GBE1: variants seen among roughly 807,000 people sequenced by gnomAD.
GBE1 encodes the protein 1,4-alpha-glucan branching enzyme 1.
GBE1 carries 70 observed loss-of-function variants against 88.8 expected under a neutral mutation model. The observed-to-expected ratio is 0.79, with a 90% CI of 0.65 to 0.96. The LOEUF is 0.96. Ranked by LOEUF, GBE1 falls within the 40% of genes least tolerant of loss-of-function variation. The pLI, the probability that GBE1 is intolerant of heterozygous loss-of-function variation, is 0.00. For missense variants in GBE1, 872 were observed against 871.0 expected, an observed-to-expected ratio of 1.00 and a Z score of -0.01; for synonymous variants, 284 against 300.1, an observed-to-expected ratio of 0.95 and a Z score of 0.56.
chr3:81,753,175 C>T (rs1206153624), intron 1 of GBE1, among the ~76,000 whole-genome samples: 2 of 152,268 alleles, frequency 1.3e-5, no homozygotes, highest in East Asian at 3.9e-4. Flanking sequence ...TCTACATAAT[C>T]ATGTGTTTAA....
At position 81,749,044 on chromosome 3, in the gene GBE1, T is replaced by C. The variant is rs1317591939; in HGVS notation, c.143+12331A>G. ...AAAGAAAAAAGAAAAAAAGAAAATA[T>C]CTGGAAATTCCTTATAAAACAAATG... On this transcript the variant is annotated intron_variant, in intron 1 of 15. Transcript: ENST00000429644. 2.0e-5 allele frequency among the ~76,000 whole-genome samples: 3 copies of C among 149,734 alleles called. No homozygotes were observed. In the East Asian group the frequency reaches 5.8e-4, roughly 29 times the overall value.
At chr3:81,501,683 G>A (rs1458123998) in intron 14 of GBE1, among the ~76,000 whole-genome samples, 1 of 108,394 alleles carries the variant, frequency 9.2e-6, no homozygotes, top group South Asian at 2.9e-4. Flanking sequence ...TTACTTAGGG[G>A]CACTTTTTTT....
intron 1 of GBE1, among the ~76,000 whole-genome samples, chr3:81,730,137 T>C (rs968451531): frequency 2.0e-4 from 30 of 152,128 alleles, no homozygotes; most frequent in African/African-American, 7.2e-4. Context: ...GCATACTATA[T>C]AGATGATGAG....
At position 81,599,731 on chromosome 3, in the gene GBE1, T is replaced by C. The variant is rs141940545; in HGVS notation, c.993-5708A>G. The stretch of plus-strand genomic sequence containing the variant: ...ACATAGGTATATACACACACACCCA[T>C]GTTTTTCAAACAAGTTTAAAAAATT... On this transcript the variant is annotated intron_variant, in intron 7 of 15. Transcript: ENST00000429644. Among the ~76,000 whole-genome samples the C allele has an allele frequency of 6.9e-3, 1,049 of 152,268 alleles. 9 individuals are homozygous for C. Among genetic ancestry groups the C allele is most frequent in the Middle Eastern group, 0.024 (7 of 294 alleles).
intron 2 of GBE1, among the ~76,000 whole-genome samples, chr3:81,692,974 C>A (rs1705542982): frequency 6.6e-6 from 1 of 152,122 alleles, no homozygotes; most frequent in Admixed American, 6.6e-5. Context: ...TTTGCTATGA[C>A]TGATGATGAA....
chr3:81,642,831 T>C lies in GBE1; in HGVS notation c.942A>G (p.Gly314=), dbSNP rs2107059484. ...DGTDSCYFHS[G]PRGTHDLWDS... is the part of the protein sequence containing the mutation. ...CCCAAAGATCATGAGTCCCTCTAGG[T>C]CCAGAATGAAAATAACAGGAATCTG... is the stretch of plus-strand genomic sequence containing the variant. The change falls in exon 7 of 16, where the codon GGA becomes GGG. Residue 314 remains glycine (G), a synonymous_variant. Coordinates refer to ENST00000429644, the MANE Select transcript of GBE1 (RefSeq NM_000158.4). 1 of 1,613,314 alleles carries C rather than the reference T, an allele frequency of 6.2e-7. No individual in the cohort carries two copies. Among genetic ancestry groups the C allele is most frequent in the Non-Finnish European group, 8.5e-7 (1 of 1,179,408 alleles).
intron 1 of GBE1, among the ~76,000 whole-genome samples, chr3:81,728,943 C>T (rs1302769086): frequency 6.6e-6 from 1 of 151,682 alleles, no homozygotes. Flanking sequence ...ACTCAAGAAG[C>T]TGGTATGTGG....
intron 2 of GBE1, among the ~76,000 whole-genome samples, chr3:81,675,449 T>C (rs1050116680): frequency 1.8e-4 from 28 of 151,962 alleles, no homozygotes; most frequent in Admixed American, 1.4e-3. Context: ...TGTGAGGGAA[T>C]AGAAATGATA....
At chr3:81,558,634 C>A (rs1703379984) in intron 12 of GBE1, among the ~76,000 whole-genome samples, 1 of 151,980 alleles carries the variant, frequency 6.6e-6, no homozygotes, top group Admixed American at 6.6e-5. Context: ...GGAAACAAGT[C>A]TTGTGTGTAC....
chr3:81,750,554 T>C (rs1368630762), intron 1 of GBE1, among the ~76,000 whole-genome samples: 2 of 85,074 alleles, frequency 2.4e-5, no homozygotes, highest in South Asian at 3.0e-4. Flanking sequence ...TATATATGTA[T>C]ATATATATGT....
At chr3:81,707,606 T>C (rs1165076718) in intron 1 of GBE1, among the ~76,000 whole-genome samples, 1 of 151,772 alleles carries the variant, frequency 6.6e-6, no homozygotes, top group African/African-American at 2.4e-5. Context: ...AAAAATATTA[T>C]ATTAAAAAAA....
At chr3:81,634,566 T>C (rs1247005985) in intron 7 of GBE1, among the ~76,000 whole-genome samples, 1 of 151,958 alleles carries the variant, frequency 6.6e-6, no homozygotes, top group Non-Finnish European at 1.5e-5. Flanking sequence ...GTTGCCGCCA[T>C]GGCAAGCATG....
At chr3:81,638,953 T>C (rs919093245) in intron 7 of GBE1, among the ~76,000 whole-genome samples, 22 of 152,194 alleles carry the variant, frequency 1.4e-4, no homozygotes, top group African/African-American at 5.3e-4. Flanking sequence ...GACAAAAGTT[T>C]TCAAAGAAGA....
chr3:81,510,018 T>C (rs988247602), intron 14 of GBE1, among the ~76,000 whole-genome samples: 3 of 152,098 alleles, frequency 2.0e-5, no homozygotes, highest in Non-Finnish European at 4.4e-5. Flanking sequence ...ATATAATTCT[T>C]AGTTGACATG....
Position 81,507,641 on chromosome 3 carries a change from A to G in GBE1, c.1935-8414T>C, listed in dbSNP as rs1350862014. On this transcript the variant is annotated intron_variant, in intron 14 of 15. Transcript: ENST00000429644. ...AAATTTTAAAATATAAAAAAGCCAA[A>G]TGCAACTTTTTTCTTTATACATATA... Among the ~76,000 whole-genome samples, 3 of 151,800 alleles carry G rather than the reference A, an allele frequency of 2.0e-5. No individual in the cohort carries two copies. In the East Asian group the frequency reaches 5.8e-4, roughly 29 times the overall value.
intron 14 of GBE1, among the ~76,000 whole-genome samples, chr3:81,529,466 T>C (rs1047246241): frequency 2.6e-5 from 4 of 152,084 alleles, no homozygotes; most frequent in Admixed American, 2.6e-4. Flanking sequence ...ACTGAAGTAC[T>C]CCCTTTAGCA....
chr3:81,761,342 G>C, intron 1 of GBE1, 33 bp downstream of exon 1: 1 of 1,590,138 alleles, frequency 6.3e-7, no homozygotes, highest in Non-Finnish European at 8.6e-7. Context: ...CGGGCTGCCT[G>C]TCTAAGTGGG....
intron 15 of GBE1, among the ~76,000 whole-genome samples, chr3:81,493,562 C>T (rs1409074106): frequency 4.1e-5 from 6 of 146,714 alleles, no homozygotes; most frequent in South Asian, 2.2e-4. Context: ...GAAGGAGTTT[C>T]GCTCTTGTTA....
At chr3:81,574,749 G>C (rs954036815) in intron 12 of GBE1, among the ~76,000 whole-genome samples, 1 of 152,156 alleles carries the variant, frequency 6.6e-6, no homozygotes, top group Non-Finnish European at 1.5e-5. Flanking sequence ...GAATGTCTAC[G>C]TAGCATGCCT....
Sources: allele counts gnomAD v4.1 joint callset (sites outside exome capture counted in the v4.1 genomes callset), GRCh38; gene constraint gnomAD v4.1.1; transcripts MANE v1.5; gene names NCBI Gene and HGNC (gene_info 2026-07-23, HGNC 2026-07-21).